The following ARHGAP18 variants were observed in gnomAD, a reference collection of about 807,000 sequenced individuals.
ARHGAP18 encodes rho GTPase-activating protein 18.
ARHGAP18 carries 67 observed loss-of-function variants against 86.2 expected under a neutral mutation model. The ratio of observed to expected loss-of-function variants is 0.78; its 90% CI spans 0.64 to 0.95. ARHGAP18 has a LOEUF of 0.95. ARHGAP18 is among the 40% of genes least tolerant of loss of function. ARHGAP18 has a pLI of 0.00. For synonymous variants in ARHGAP18, 283 were observed against 280.4 expected (o/e 1.01, Z -0.09); for missense variants, 691 against 780.4 (o/e 0.89, Z 1.37).
At chr6:129,580,605 G>A (rs189785030) in intron 13 of ARHGAP18, among the ~76,000 whole-genome samples, 2 of 152,294 alleles carry the variant, frequency 1.3e-5, no homozygotes, top group African/African-American at 4.8e-5. Context: ...ACATGCTTCT[G>A]ACTGGGTGTG....
chr6:129,665,803 T>C (rs528734059), intron 1 of ARHGAP18, among the ~76,000 whole-genome samples: 4 of 152,260 alleles, frequency 2.6e-5, no homozygotes, highest in African/African-American at 9.6e-5. Flanking sequence ...CTCGGTTTTT[T>C]CACCTGTGAA....
At chr6:129,644,585 T>G (rs750905124) in intron 1 of ARHGAP18, among the ~76,000 whole-genome samples, 1 of 152,160 alleles carries the variant, frequency 6.6e-6, no homozygotes, top group Non-Finnish European at 1.5e-5. Flanking sequence ...CTTACTTCTG[T>G]CTCCTTTAAC....
At chr6:129,634,004 C>CG in intron 4 of ARHGAP18, 38 bp downstream of exon 4, 7 of 1,455,182 alleles carry the variant, frequency 4.8e-6, no homozygotes, top group South Asian at 1.3e-5. Context: ...AATTAAAGGG[C>CG]GGAAAAAAAA....
intron 12 of ARHGAP18, among the ~76,000 whole-genome samples, chr6:129,590,186 C>G (rs1277642998): frequency 6.6e-6 from 1 of 152,150 alleles, no homozygotes; most frequent in Non-Finnish European, 1.5e-5. Context: ...TATTTTGCAT[C>G]CTTTAATCCA....
intron 1 of ARHGAP18, among the ~76,000 whole-genome samples, chr6:129,676,389 C>T (rs867451269): frequency 6.6e-6 from 1 of 152,124 alleles, no homozygotes; most frequent in African/African-American, 2.4e-5. Context: ...TCAGTCTATT[C>T]AAGGGGGTTT....
intron 10 of ARHGAP18, among the ~76,000 whole-genome samples, chr6:129,603,392 A>G (rs1036086416): frequency 1.3e-5 from 2 of 152,022 alleles, no homozygotes; most frequent in Admixed American, 1.3e-4. Flanking sequence ...GTGTGTATCT[A>G]TCACATTTTC....
chr6:129,709,180 A>G (rs1406734390), intron 1 of ARHGAP18, among the ~76,000 whole-genome samples: 1 of 152,182 alleles, frequency 6.6e-6, no homozygotes, highest in Non-Finnish European at 1.5e-5. Flanking sequence ...GTTCTAGGCT[A>G]TTAGGTTAGT....
intron 1 of ARHGAP18, among the ~76,000 whole-genome samples, chr6:129,678,420 C>A (rs1774271697): frequency 6.6e-6 from 1 of 151,890 alleles, no homozygotes; most frequent in African/African-American, 2.4e-5. Flanking sequence ...TCAACGGATG[C>A]CTGGCAAAGT....
At chr6:129,687,254 T>A (rs1018707374) in intron 1 of ARHGAP18, among the ~76,000 whole-genome samples, 1 of 152,152 alleles carries the variant, frequency 6.6e-6, no homozygotes, top group Non-Finnish European at 1.5e-5. Context: ...TTCACGGGTC[T>A]CAGAGAAGTT....
At chr6:129,583,406 A>T (rs1030574311) in intron 13 of ARHGAP18, among the ~76,000 whole-genome samples, 6 of 152,158 alleles carry the variant, frequency 3.9e-5, no homozygotes, top group East Asian at 1.9e-4. Context: ...GCAGCTTTCA[A>T]ATGACTCTCC....
chr6:129,680,773 A>T (rs1774310607), intron 1 of ARHGAP18, among the ~76,000 whole-genome samples: 1 of 152,238 alleles, frequency 6.6e-6, no homozygotes, highest in African/African-American at 2.4e-5. Context: ...TCCTTAACTG[A>T]AAAAGGAATT....
intron 1 of ARHGAP18, among the ~76,000 whole-genome samples, chr6:129,706,175 G>A (rs2032533): frequency 0.69 from 104,602 of 152,122 alleles, 36,071 homozygotes; most frequent in South Asian, 0.78. Flanking sequence ...AAAATGGGAA[G>A]GTAAGAGAGA....
chr6:129,615,115 T>C (rs1789067941), intron 7 of ARHGAP18, among the ~76,000 whole-genome samples: 1 of 152,234 alleles, frequency 6.6e-6, no homozygotes, highest in African/African-American at 2.4e-5. Context: ...CTTTGACTAA[T>C]ACCCCAGGAA....
At chr6:129,591,218 G>T (rs1788505829) in intron 12 of ARHGAP18, among the ~76,000 whole-genome samples, 1 of 152,150 alleles carries the variant, frequency 6.6e-6, no homozygotes, top group Non-Finnish European at 1.5e-5. Context: ...TGATCGTTAA[G>T]CCAGTCTGTT....
At chr6:129,660,950 G>A (rs544323613) in intron 1 of ARHGAP18, among the ~76,000 whole-genome samples, 1 of 148,084 alleles carries the variant, frequency 6.8e-6, no homozygotes, top group African/African-American at 2.5e-5. Flanking sequence ...TGACTTTCTT[G>A]TTAAGTACAT....
At chr6:129,706,848 G>A (rs992553900) in intron 1 of ARHGAP18, among the ~76,000 whole-genome samples, 5 of 144,768 alleles carry the variant, frequency 3.5e-5, no homozygotes, top group African/African-American at 1.3e-4. Flanking sequence ...ATCGTGCCAC[G>A]GCATTCCAGC....
intron 13 of ARHGAP18, among the ~76,000 whole-genome samples, chr6:129,582,740 AC>A (rs1357974912): frequency 6.6e-6 from 1 of 152,228 alleles, no homozygotes; most frequent in East Asian, 1.9e-4. Context: ...TGGTTAAGGG[AC>A]TACCTTTGGA....
rs923614833 is a variant in ARHGAP18 at position 129,577,145 on chromosome 6, C to T, written c.*1368G>A. ...CAAAATTTTCTTTTAAATAAAAAAG[C>T]AATGGCACGAATCACCACAAAATCA... On this transcript the variant is annotated 3_prime_UTR_variant, in exon 15 of 15. Transcript: ENST00000368149. 1.3e-5 allele frequency: 2 copies of T among 151,952 alleles called. No individual in the cohort carries two copies. Among genetic ancestry groups the T allele is most frequent in the African/African-American group, 4.8e-5 (2 of 41,392 alleles). The allele number at this position is 151,952 out of a possible 1,614,324, so 9.4% of individuals were successfully genotyped here. A position where few individuals can be genotyped will look rare whatever the true frequency, so the allele number is the denominator to read the frequency against.
At chr6:129,584,133 T>G in intron 12 of ARHGAP18, 21 bp from the exon 13 acceptor site, 1 of 1,613,110 alleles carries the variant, frequency 6.2e-7, no homozygotes, top group East Asian at 2.2e-5. Flanking sequence ...ATAATGACAC[T>G]GGAACAAAGC....
Sources: gnomAD v4.1 joint callset for allele counts (sites outside exome capture counted in the v4.1 genomes callset) on GRCh38, gnomAD v4.1.1 for gene constraint, MANE v1.5 for transcripts, NCBI Gene and HGNC (gene_info 2026-07-23, HGNC 2026-07-21) for gene names.